Variants in RGL1 observed in about 807,000 individuals in gnomAD.
RGL1 encodes ral guanine nucleotide dissociation stimulator-like 1.
In RGL1, 24 loss-of-function variants were observed where a neutral mutation model predicts 95.2. The ratio of observed to expected loss-of-function variants is 0.25; its 90% confidence interval spans 0.18 to 0.35. The LOEUF (loss-of-function observed/expected upper bound fraction) is 0.35. Among genes scored for constraint, RGL1 ranks in the 10% least tolerant of loss-of-function variants. The pLI is 1.00. For missense variants in RGL1, 715 were observed against 936.3 expected (o/e 0.76, Z 3.08); for synonymous variants, 329 against 344.9 (o/e 0.95, Z 0.51).
chr1:183,911,194 A>G (rs1310967510), intron 14 of RGL1, among the ~76,000 whole-genome samples: 1 of 152,224 alleles, frequency 6.6e-6, no homozygotes, highest in African/African-American at 2.4e-5. Flanking sequence ...TTCTAACCCC[A>G]TAGACCACAT....
At chr1:183,866,560 G>A (rs2102595513) in intron 4 of RGL1, among the ~76,000 whole-genome samples, 1 of 152,312 alleles carries the variant, frequency 6.6e-6, no homozygotes, top group South Asian at 2.1e-4. Context: ...GGCAGGAGCG[G>A]TGTTTGAGAA....
intron 2 of RGL1, among the ~76,000 whole-genome samples, chr1:183,844,603 A>G (rs1664294189): frequency 6.6e-6 from 1 of 152,330 alleles, no homozygotes; most frequent in African/African-American, 2.4e-5. Flanking sequence ...TACGGCACAC[A>G]CTTCAAGCAA....
upstream of RGL1, among the ~76,000 whole-genome samples, chr1:183,801,147 GT>G (rs1660966571): frequency 1.4e-5 from 2 of 147,902 alleles, no homozygotes; most frequent in Non-Finnish European, 3.0e-5. Flanking sequence ...GTTATTTTGT[GT>G]GTGTGTGTGT....
At chr1:183,772,040 C>T (rs2102332115) in intron 2 of RGL1, among the ~76,000 whole-genome samples, 1 of 152,332 alleles carries the variant, frequency 6.6e-6, no homozygotes, top group South Asian at 2.1e-4. Flanking sequence ...AGGAGAGCGC[C>T]CGCTGCCCAG....
At chr1:183,829,886 A>G (rs542128083) in intron 2 of RGL1, among the ~76,000 whole-genome samples, 1 of 152,170 alleles carries the variant, frequency 6.6e-6, no homozygotes, top group Non-Finnish European at 1.5e-5. Flanking sequence ...TATCTAAGAC[A>G]AAACCTGATC....
At chr1:183,646,484 T>C (rs976649807) in intron 1 of RGL1, 2 of 152,128 alleles carry the variant, frequency 1.3e-5, no homozygotes, top group African/African-American at 2.4e-5. Context: ...TTTCTTGTAA[T>C]GTATCTTTAC....
chr1:183,829,511 A>G (rs1419918792), intron 2 of RGL1, among the ~76,000 whole-genome samples: 2 of 151,210 alleles, frequency 1.3e-5, no homozygotes, highest in Non-Finnish European at 2.9e-5. Flanking sequence ...TGCTTTCTCC[A>G]GTAGTTTTCT....
chr1:183,893,636 T>C (rs1424613856), intron 9 of RGL1, among the ~76,000 whole-genome samples: 1 of 152,190 alleles, frequency 6.6e-6, no homozygotes, highest in Non-Finnish European at 1.5e-5. Context: ...TTCATGACTG[T>C]TCCTGTCCTA....
chr1:183,811,146 T>A (rs1289202220), intron 2 of RGL1, among the ~76,000 whole-genome samples: 2 of 152,074 alleles, frequency 1.3e-5, no homozygotes, highest in African/African-American at 4.8e-5. Flanking sequence ...GCAAGAAAAA[T>A]CAATTAGGTA....
At chr1:183,865,916 CT>C in intron 3 of RGL1, 79 bp from the exon 4 acceptor site, 1 of 916,824 alleles carries the variant, frequency 1.1e-6, no homozygotes, top group South Asian at 1.3e-5. Flanking sequence ...ATAACTGTCA[CT>C]TTGTAGTTGA....
At chr1:183,677,626 G>A (rs1432771626) in intron 1 of RGL1, among the ~76,000 whole-genome samples, 2 of 152,204 alleles carry the variant, frequency 1.3e-5, no homozygotes, top group South Asian at 2.1e-4. Context: ...GGGTTTTCCA[G>A]AGAGGGTTTA....
intron 1 of RGL1, among the ~76,000 whole-genome samples, chr1:183,734,490 G>T (rs561403679): frequency 6.6e-6 from 1 of 152,248 alleles, no homozygotes; most frequent in Non-Finnish European, 1.5e-5. Flanking sequence ...TGGTGGAGAG[G>T]GTTGTGTTGT....
intron 2 of RGL1, among the ~76,000 whole-genome samples, chr1:183,796,595 A>C (rs1660713800): frequency 1.3e-5 from 2 of 152,206 alleles, no homozygotes; most frequent in Non-Finnish European, 2.9e-5. Context: ...TAGGACTCAA[A>C]TCTAGTTGTC....
At chr1:183,691,110 T>A (rs1451708319) in intron 1 of RGL1, among the ~76,000 whole-genome samples, 1 of 152,236 alleles carries the variant, frequency 6.6e-6, no homozygotes, top group East Asian at 1.9e-4. Context: ...CATTATTTTT[T>A]AAGGATTATT....
chr1:183,876,712 G>A (rs1217400233), intron 4 of RGL1, among the ~76,000 whole-genome samples: 1 of 152,212 alleles, frequency 6.6e-6, no homozygotes, highest in African/African-American at 2.4e-5. Context: ...ATGTATGTGG[G>A]CACATATGTG....
intron 4 of RGL1, among the ~76,000 whole-genome samples, chr1:183,868,386 C>T (rs755816219): frequency 1.6e-4 from 25 of 152,296 alleles, no homozygotes; most frequent in South Asian, 1.0e-3. Context: ...ACAATATAAT[C>T]TAAAAGGTGA....
chr1:183,863,440 A>T (rs1572519611), intron 3 of RGL1, among the ~76,000 whole-genome samples: 1 of 151,852 alleles, frequency 6.6e-6, no homozygotes, highest in African/African-American at 2.4e-5. Flanking sequence ...AGTAGCTGGG[A>T]TTGCAGACAT....
At chr1:183,752,205 T>C (rs1658044236) in intron 2 of RGL1, among the ~76,000 whole-genome samples, 3 of 151,916 alleles carry the variant, frequency 2.0e-5, no homozygotes, top group African/African-American at 7.3e-5. Flanking sequence ...CCTATCCTTG[T>C]CAATTCTTGG....
At chr1:183,759,643 A>G (rs1190233175) in intron 2 of RGL1, among the ~76,000 whole-genome samples, 1 of 152,220 alleles carries the variant, frequency 6.6e-6, no homozygotes, top group Non-Finnish European at 1.5e-5. Flanking sequence ...TGCTACTACC[A>G]TGGGACACAT....
Sources: gnomAD v4.1 joint callset for allele counts (sites outside exome capture counted in the v4.1 genomes callset) on GRCh38, gnomAD v4.1.1 for gene constraint, MANE v1.5 for transcripts, NCBI Gene and HGNC (gene_info 2026-07-23, HGNC 2026-07-21) for gene names.